The following SLC5A4 variants were observed in gnomAD, a reference collection of about 807,000 sequenced individuals.
The protein encoded by SLC5A4 is probable glucose sensor protein SLC5A4.
Under a neutral mutation model 70.3 loss-of-function variants are expected in SLC5A4, and 55 were observed. The observed-to-expected ratio is 0.78, with a 90% CI of 0.63 to 0.98. The LOEUF is 0.98. Ranked by LOEUF, SLC5A4 falls within the 50% of genes least tolerant of loss-of-function variation. The pLI is 0.00. For missense variants in SLC5A4, 735 were observed against 839.2 expected (o/e 0.88, Z 1.53); for synonymous variants, 268 against 305.7 (o/e 0.88, Z 1.29).
upstream of SLC5A4, among the ~76,000 whole-genome samples, chr22:32,257,187 A>T (rs1423285363): frequency 2.0e-5 from 3 of 152,202 alleles, no homozygotes; most frequent in African/African-American, 7.2e-5. Context: ...TCATGTGCTT[A>T]TAGCCATTTG....
At chr22:32,255,627 G>A (rs1474117609), upstream of SLC5A4, among the ~76,000 whole-genome samples, 2 of 152,100 alleles carry the variant, frequency 1.3e-5, no homozygotes, top group Admixed American at 6.5e-5. Context: ...CAGGTGGAGG[G>A]GGGATTTGAG....
chr22:32,290,969 G>A, the SLC5A4 span, among the ~76,000 whole-genome samples: 2 of 152,122 alleles, frequency 1.3e-5, no homozygotes, highest in African/African-American at 4.8e-5. Context: ...AACCATTTCA[G>A]CCTCTTTTTT....
At chr22:32,322,120 C>T in the SLC5A4 span, among the ~76,000 whole-genome samples, 1 of 152,136 alleles carries the variant, frequency 6.6e-6, no homozygotes, top group Non-Finnish European at 1.5e-5. Context: ...GAGGTGTGAC[C>T]AGCTCAACAT....
the SLC5A4 span, among the ~76,000 whole-genome samples, chr22:32,354,424 C>A: frequency 6.6e-6 from 1 of 151,434 alleles, no homozygotes; most frequent in South Asian, 2.1e-4. Context: ...ATGCCCCCAG[C>A]CAGCTTCTAG....
At position 32,224,339 on chromosome 22, in the gene SLC5A4, G is replaced by T. The variant is rs372964834; in HGVS notation, c.1593C>A (p.Ile531=). The T allele has an allele frequency of 6.2e-7, 1 of 1,614,096 alleles. No homozygotes were observed. Among genetic ancestry groups the T allele is most frequent in the Non-Finnish European group, 8.5e-7 (1 of 1,179,972 alleles). The change falls in exon 13 of 15, where the codon ATC becomes ATA. Residue 531 remains isoleucine, a synonymous_variant. Transcript: ENST00000266086. ...ICGVHYLYFS[I]VLFFGSMLVT... ...CCAGCATGGACCCAAAAAAGAGAACGATGGAAAAGTACAGATAGTGCACTC... is the reference window on the plus strand; with the variant it reads ...CCAGCATGGACCCAAAAAAGAGAACTATGGAAAAGTACAGATAGTGCACTC...
chr22:32,318,318 T>C, the SLC5A4 span, among the ~76,000 whole-genome samples: 2 of 152,126 alleles, frequency 1.3e-5, no homozygotes, highest in East Asian at 1.9e-4. Flanking sequence ...CAAACTCTCA[T>C]CTAAACTCCA....
intron 9 of SLC5A4, among the ~76,000 whole-genome samples, chr22:32,231,803 T>C (rs1046806772): frequency 1.3e-5 from 2 of 152,226 alleles, no homozygotes; most frequent in African/African-American, 4.8e-5. Context: ...AGTTTTGAGA[T>C]AGTCTTCAGT....
At chr22:32,324,367 T>TA in the SLC5A4 span, among the ~76,000 whole-genome samples, 2 of 152,122 alleles carry the variant, frequency 1.3e-5, no homozygotes, top group East Asian at 3.9e-4. Context: ...ACATTCTACT[T>TA]ACAGTTTCTT....
the SLC5A4 span, among the ~76,000 whole-genome samples, chr22:32,305,388 T>C: frequency 5.1e-5 from 7 of 136,390 alleles, 2 homozygotes; most frequent in South Asian, 4.7e-4. Flanking sequence ...TGCTGATCTC[T>C]GATTGTGTGC....
chr22:32,246,331 G>T (rs1926829321), intron 5 of SLC5A4, among the ~76,000 whole-genome samples: 1 of 152,110 alleles, frequency 6.6e-6, no homozygotes, highest in African/African-American at 2.4e-5. Context: ...TTCAACAGAG[G>T]AGCAATAGGA....
At chr22:32,321,681 A>G in the SLC5A4 span, among the ~76,000 whole-genome samples, 1 of 152,072 alleles carries the variant, frequency 6.6e-6, no homozygotes, top group African/African-American at 2.4e-5. Flanking sequence ...ATGTGTTCTC[A>G]TCATTTAGCT....
chr22:32,309,018 A>G, the SLC5A4 span, among the ~76,000 whole-genome samples: 1 of 152,140 alleles, frequency 6.6e-6, no homozygotes, highest in East Asian at 1.9e-4. Context: ...AGCTCACTGC[A>G]AGCTCTGCCT....
the SLC5A4 span, among the ~76,000 whole-genome samples, chr22:32,264,267 G>A: frequency 6.6e-6 from 1 of 151,848 alleles, no homozygotes; most frequent in African/African-American, 2.4e-5. Context: ...TTATATTAGA[G>A]AATATAATAG....
chr22:32,312,386 C>CACACACACACACACAT, the SLC5A4 span, among the ~76,000 whole-genome samples: 342 of 150,426 alleles, frequency 2.3e-3, 3 homozygotes, highest in African/African-American at 7.0e-3. Flanking sequence ...CACACACACA[C>CACACACACACACACAT]GCACATTCAA....
the SLC5A4 span, among the ~76,000 whole-genome samples, chr22:32,306,477 A>AC: frequency 1.4e-5 from 2 of 141,720 alleles, no homozygotes; most frequent in African/African-American, 6.0e-5. Flanking sequence ...AAAAAAAAAA[A>AC]CAAAAACTAC....
At position 32,233,048 on chromosome 22, in the gene SLC5A4, G is replaced by A. The variant is rs146518463; in HGVS notation, c.886-14C>T. On this transcript the variant is annotated splice_polypyrimidine_tract_variant and intron_variant, in intron 8 of 14. Transcript: ENST00000266086. ...CTGCACAATGACCTGCCGGGAGAAC[G>A]TGACACACTCATGAAACAAGCCAGG... 8.1e-6 allele frequency: 13 copies of A among 1,609,232 alleles called. No homozygotes were observed. The highest frequency in any genetic ancestry group is 8.5e-6 in the Non-Finnish European group (10 of 1,177,556).
At chr22:32,239,574 AT>A (rs1926363680) in intron 5 of SLC5A4, among the ~76,000 whole-genome samples, 2 of 24,970 alleles carry the variant, frequency 8.0e-5, no homozygotes, top group African/African-American at 2.3e-4. Context: ...ATATATTTAT[AT>A]ATATATTTAT....
At chr22:32,290,328 T>A in the SLC5A4 span, among the ~76,000 whole-genome samples, 1 of 152,194 alleles carries the variant, frequency 6.6e-6, no homozygotes, top group Middle Eastern at 3.2e-3. Flanking sequence ...AACTCCCATT[T>A]ATGAGGACAT....
chr22:32,321,482 G>A, the SLC5A4 span, among the ~76,000 whole-genome samples: 1 of 152,160 alleles, frequency 6.6e-6, no homozygotes, highest in Non-Finnish European at 1.5e-5. Flanking sequence ...TAAGTTCAGG[G>A]GTACACGTGC....
Sources: allele counts gnomAD v4.1 joint callset (sites outside exome capture counted in the v4.1 genomes callset), GRCh38; gene constraint gnomAD v4.1.1; transcripts MANE v1.5; gene names NCBI Gene and HGNC (gene_info 2026-07-23, HGNC 2026-07-21).